TAF4B: variants seen among roughly 807,000 people sequenced by gnomAD.
TAF4B encodes the protein transcription initiation factor TFIID subunit 4B.
TAF4B carries 38 observed loss-of-function variants against 86.4 expected under a neutral mutation model. The ratio of observed to expected loss-of-function variants is 0.44; its 90% CI spans 0.34 to 0.58. The LOEUF (loss-of-function observed/expected upper bound fraction) is 0.58, where lower values mean the gene tolerates loss of function less well. TAF4B is among the 20% of genes least tolerant of loss of function. The pLI, the probability that TAF4B is intolerant of heterozygous loss-of-function variation, is 0.02. For synonymous variants in TAF4B, 388 were observed against 391.2 expected, an observed-to-expected ratio of 0.99 and a Z score of 0.10; for missense variants, 988 against 1,027.6, an observed-to-expected ratio of 0.96 and a Z score of 0.53.
chr18:26,354,463 G>T (rs2057270283), intron 13 of TAF4B, among the ~76,000 whole-genome samples: 2 of 152,130 alleles, frequency 1.3e-5, no homozygotes, highest in Non-Finnish European at 2.9e-5. Flanking sequence ...TGGAAGATGG[G>T]GCCTTATCAT....
chr18:26,337,877 A>G lies in TAF4B; in HGVS notation c.2316+2646A>G, dbSNP rs78699151. On this transcript the variant is annotated intron_variant, in intron 13 of 14. Coordinates refer to ENST00000269142, the MANE Select transcript of TAF4B (RefSeq NM_005640.3). ...GCTGTCTGAGAAGTTTTCTTTGTTC[A>G]CTCATGAATTTTTTATTTAGCACAG... Among the ~76,000 whole-genome samples the G allele has an allele frequency of 2.0e-3, 304 of 152,044 alleles. 2 individuals are homozygous for G. The highest frequency in any genetic ancestry group is 7.1e-3 in the African/African-American group (295 of 41,458).
At chr18:26,261,269 C>G (rs865812986) in intron 1 of TAF4B, among the ~76,000 whole-genome samples, 1 of 141,476 alleles carries the variant, frequency 7.1e-6, no homozygotes, top group Non-Finnish European at 1.5e-5. Flanking sequence ...GCCGGGATCT[C>G]GGCTCACTGC....
intron 11 of TAF4B, among the ~76,000 whole-genome samples, chr18:26,326,197 G>A (rs2057003824): frequency 6.6e-6 from 1 of 152,154 alleles, no homozygotes; most frequent in South Asian, 2.1e-4. Context: ...CCCCACTCCT[G>A]CCTATACACA....
At chr18:26,293,990 A>G (rs1038837719) in intron 9 of TAF4B, among the ~76,000 whole-genome samples, 1 of 152,140 alleles carries the variant, frequency 6.6e-6, no homozygotes, top group Admixed American at 6.5e-5. Context: ...GTTCTTTTGC[A>G]TTGCTGGGAA....
chr18:26,244,638 G>A (rs940694481), intron 1 of TAF4B, among the ~76,000 whole-genome samples: 4 of 152,302 alleles, frequency 2.6e-5, no homozygotes, highest in Middle Eastern at 3.4e-3. Flanking sequence ...AGCAATCACC[G>A]GTCTTCTGTG....
At chr18:26,232,655 A>G (rs1265983579) in intron 1 of TAF4B, among the ~76,000 whole-genome samples, 2 of 152,126 alleles carry the variant, frequency 1.3e-5, no homozygotes, top group Non-Finnish European at 2.9e-5. Context: ...ATCTCGTACT[A>G]TCCCTGACTG....
chr18:26,284,716 A>G (rs1234620293), intron 6 of TAF4B, among the ~76,000 whole-genome samples: 1 of 152,082 alleles, frequency 6.6e-6, no homozygotes, highest in Non-Finnish European at 1.5e-5. Context: ...ACTAAAAAAT[A>G]CAAAAATTAG....
intron 1 of TAF4B, among the ~76,000 whole-genome samples, chr18:26,239,691 G>A (rs1568096214): frequency 6.6e-6 from 1 of 152,130 alleles, no homozygotes; most frequent in Non-Finnish European, 1.5e-5. Flanking sequence ...GTATTGCCTA[G>A]GTTTTCTTCT....
chr18:26,342,358 C>A (rs1464347655), intron 13 of TAF4B, among the ~76,000 whole-genome samples: 1 of 152,054 alleles, frequency 6.6e-6, no homozygotes, highest in Non-Finnish European at 1.5e-5. Context: ...AAATTTGGTT[C>A]TTCCTGTTAA....
Position 26,286,225 on chromosome 18 carries a change from C to T in TAF4B, c.1316C>T (p.Thr439Ile), listed in dbSNP as rs1284491141. Residue 439 changes from threonine to isoleucine, a missense_variant, in exon 7 of 15, where the codon ACA becomes ATA. Transcript: ENST00000269142. ...GLLQTSKPLV[T>I]SVANTVTTVS... ...CTTCAGACTTCAAAACCACTTGTGA[C>T]ATCTGTGGCAAACACAGTGACCACG... 5.0e-6 allele frequency: 8 copies of T among 1,614,120 alleles called. No individual in the cohort carries two copies. The highest frequency in any genetic ancestry group is 1.3e-5 in the African/African-American group (1 of 74,950).
chr18:26,379,548 T>G (rs1434475976), intron 14 of TAF4B, among the ~76,000 whole-genome samples: 1 of 152,134 alleles, frequency 6.6e-6, no homozygotes, highest in Non-Finnish European at 1.5e-5. Flanking sequence ...TTCTGTTTGT[T>G]TATTTTTCTC....
At chr18:26,319,266 C>A (rs2056939404) in intron 10 of TAF4B, among the ~76,000 whole-genome samples, 1 of 151,702 alleles carries the variant, frequency 6.6e-6, no homozygotes, top group Admixed American at 6.6e-5. Context: ...CTGAGGCGGG[C>A]AGATCACTTG....
At chr18:26,373,367 G>A (rs1164128421) in intron 14 of TAF4B, among the ~76,000 whole-genome samples, 1 of 152,020 alleles carries the variant, frequency 6.6e-6, no homozygotes, top group Non-Finnish European at 1.5e-5. Flanking sequence ...GCTCTTCCCA[G>A]GTCCCTTTCC....
At chr18:26,252,777 A>T (rs999399144) in intron 1 of TAF4B, among the ~76,000 whole-genome samples, 3 of 150,684 alleles carry the variant, frequency 2.0e-5, no homozygotes, top group Admixed American at 2.0e-4. Context: ...ATATTTTTTT[A>T]TTCTATTCTA....
intron 9 of TAF4B, among the ~76,000 whole-genome samples, chr18:26,301,475 G>A (rs925500325): frequency 4.0e-5 from 6 of 151,868 alleles, no homozygotes; most frequent in Admixed American, 6.6e-5. Context: ...ATTTATTTTT[G>A]TAGAGGTGGG....
At chr18:26,267,791 A>G (rs2056261290) in intron 3 of TAF4B, among the ~76,000 whole-genome samples, 168 bp downstream of exon 3, 1 of 152,244 alleles carries the variant, frequency 6.6e-6, no homozygotes, top group African/African-American at 2.4e-5. Context: ...ATGGGAAACA[A>G]GATAAACATG....
chr18:26,337,424 C>CTTTTTTTTTTTTTT (rs551888808), intron 13 of TAF4B, among the ~76,000 whole-genome samples: 1 of 126,142 alleles, frequency 7.9e-6, no homozygotes, highest in East Asian at 2.3e-4. Flanking sequence ...TTCTTTCTTT[C>CTTTTTTTTTTTTTT]TTTTTTTTTT....
rs757854217 is a variant in TAF4B at position 26,315,366 on chromosome 18, T to C, written c.1970T>C (p.Ile657Thr). 1.2e-6 allele frequency: 2 copies of C among 1,613,468 alleles called. No homozygotes were observed. Among genetic ancestry groups the C allele is most frequent in the African/African-American group, 1.3e-5 (1 of 74,990 alleles). The stretch of plus-strand genomic sequence containing the variant: ...TGTAAAGATGAACCATTTCTTTTTA[T>C]TGGAGCTCTACAAAAGAGAATTTTA... Reference protein sequence around the residue: ...QSCKDEPFLFIGALQKRILDI... With the variant: ...QSCKDEPFLFTGALQKRILDI... Residue 657 changes from isoleucine (I) to threonine (T), a missense_variant, in exon 10 of 15, where the codon ATT becomes ACT. By Grantham distance (89) the Ile-to-Thr change is moderately conservative. This residue lies in a region of TAF4B where 216 missense variants were observed against 238.4 expected (regional missense o/e 0.91). Coordinates refer to ENST00000269142, the MANE Select transcript of TAF4B (RefSeq NM_005640.3).
intron 1 of TAF4B, among the ~76,000 whole-genome samples, chr18:26,238,041 T>C (rs1395353697): frequency 6.6e-6 from 1 of 152,138 alleles, no homozygotes; most frequent in Non-Finnish European, 1.5e-5. Context: ...AACAATAGTT[T>C]TCCTCCTAGA....
Sources: allele counts gnomAD v4.1 joint callset (sites outside exome capture counted in the v4.1 genomes callset), GRCh38; gene constraint gnomAD v4.1.1; regional missense constraint gnomAD v4.1.1; transcripts MANE v1.5; gene names NCBI Gene and HGNC (gene_info 2026-07-23, HGNC 2026-07-21).